PAAF1: variants seen among roughly 807,000 people sequenced by gnomAD.
PAAF1 encodes the protein proteasomal ATPase-associated factor 1.
PAAF1 carries 46 observed loss-of-function variants against 52.8 expected under a neutral mutation model. The observed-to-expected ratio is 0.87, with a 90% CI of 0.69 to 1.11. The LOEUF (loss-of-function observed/expected upper bound fraction) is 1.11. Ranked by LOEUF, PAAF1 falls within the 50% of genes most tolerant of loss-of-function variation. The pLI is 0.00. For missense variants in PAAF1, 424 were observed against 477.4 expected (o/e 0.89, Z 1.04); for synonymous variants, 178 against 172.8 (o/e 1.03, Z -0.24).
intron 2 of PAAF1, 147 bp downstream of exon 2, chr11:73,878,966 C>T (rs529254837): frequency 1.9e-6 from 1 of 528,438 alleles, no homozygotes; most frequent in East Asian, 3.1e-5. Flanking sequence ...TGGCCAACAC[C>T]CCAACTCCTC....
At chr11:73,897,434 G>A (rs190878774) in intron 4 of PAAF1, among the ~76,000 whole-genome samples, 4,626 of 151,092 alleles carry the variant, frequency 0.031, 227 homozygotes, top group African/African-American at 0.11. Flanking sequence ...CAGACGGGGC[G>A]GTTGCCAGGC....
intron 4 of PAAF1, 104 bp downstream of exon 4, chr11:73,891,305 C>T: frequency 1.5e-6 from 1 of 670,672 alleles, no homozygotes; most frequent in African/African-American, 1.8e-5. Context: ...ATATGTCTTT[C>T]ATTTACTTTG....
chr11:73,919,028 C>T lies in PAAF1; in HGVS notation c.1014C>T (p.Ser338=). Residue 338 remains serine (S), a synonymous_variant, in exon 10 of 12, where the codon AGC becomes AGT. Coordinates refer to ENST00000310571, the MANE Select transcript of PAAF1 (RefSeq NM_025155.3). ...LLSVRDGFIA[S]QGDGSCFIVQ... Reference sequence around the variant, plus strand: ...GTGTCAGAGATGGATTCATTGCTAGCCAAGGTGGGTCCATGGGCCAATTGA... The same window carrying T: ...GTGTCAGAGATGGATTCATTGCTAGTCAAGGTGGGTCCATGGGCCAATTGA... The T allele has an allele frequency of 6.2e-7, 1 of 1,613,182 alleles. No homozygotes were observed. Among genetic ancestry groups the T allele is most frequent in the South Asian group, 1.1e-5 (1 of 90,960 alleles).
rs190351873 is a variant in PAAF1, at chr11:73,924,645, A to G, written c.1049A>G (p.Asp350Gly). The G allele has an allele frequency of 7.4e-6, 12 of 1,613,910 alleles. No individual in the cohort carries two copies. The highest frequency in any genetic ancestry group is 1.3e-5 in the African/African-American group (1 of 74,898). ...GGAAGCTGTTTTATTGTCCAGCAAG[A>G]CTTAGACTATGTCACTGAGCTCACT... is the stretch of plus-strand genomic sequence containing the variant. ...GDGSCFIVQQDLDYVTELTGA... is the reference protein window; with the variant it reads ...GDGSCFIVQQGLDYVTELTGA... Residue 350 changes from aspartate (D) to glycine (G), a missense_variant, in exon 11 of 12, where the codon GAC becomes GGC. By Grantham distance (94) the Asp-to-Gly change is moderately conservative (BLOSUM62 -1). Coordinates refer to ENST00000310571, the MANE Select transcript of PAAF1 (RefSeq NM_025155.3).
chr11:73,908,345 ATG>A (rs1399639077), intron 6 of PAAF1, among the ~76,000 whole-genome samples: 2 of 146,010 alleles, frequency 1.4e-5, no homozygotes, highest in Admixed American at 1.4e-4. Flanking sequence ...ATGTGTATAT[ATG>A]TGTATATATG....
At chr11:73,882,312 T>TA (rs1491360944) in intron 2 of PAAF1, among the ~76,000 whole-genome samples, 1 of 85,408 alleles carries the variant, frequency 1.2e-5, no homozygotes, top group Non-Finnish European at 2.2e-5. Context: ...GTGCCTGCAC[T>TA]TTTTTTTTTT....
intron 10 of PAAF1, among the ~76,000 whole-genome samples, chr11:73,919,628 T>C (rs1950156750): frequency 6.6e-6 from 1 of 152,186 alleles, no homozygotes; most frequent in Admixed American, 6.5e-5. Flanking sequence ...ATATTCTAGG[T>C]AAAGCGAGTA....
chr11:73,908,399 G>A (rs540272384), intron 6 of PAAF1, among the ~76,000 whole-genome samples: 4 of 143,724 alleles, frequency 2.8e-5, no homozygotes, highest in Non-Finnish European at 4.5e-5. Flanking sequence ...ATATATATAT[G>A]TGTATATATA....
Position 73,899,187 on chromosome 11 carries a change from G to A in PAAF1, c.324G>A (p.Val108=). 6.2e-7 allele frequency: 1 copy of A among 1,614,112 alleles called. No homozygotes were observed. The highest frequency in any genetic ancestry group is 8.5e-7 in the Non-Finnish European group (1 of 1,180,006). Residue 108 remains valine (V), a synonymous_variant, in exon 5 of 12, where the codon GTG becomes GTA. Transcript: ENST00000310571. The stretch of plus-strand genomic sequence containing the variant: ...TTTCCAGCAGAGGAGGTCTTGGTGT[G>A]TCTTCTAGTACTGACGGGACCATGA... ...LDISSRGGLG[V]SSSTDGTMKI...
intron 7 of PAAF1, among the ~76,000 whole-genome samples, chr11:73,912,876 T>G (rs1283118994): frequency 6.6e-6 from 1 of 152,136 alleles, no homozygotes; most frequent in Admixed American, 6.6e-5. Context: ...CTCCTGGACT[T>G]TGCCTTCTTT....
At chr11:73,926,664 G>GCGTCA (rs1356281344) in intron 11 of PAAF1, among the ~76,000 whole-genome samples, 1 of 152,148 alleles carries the variant, frequency 6.6e-6, no homozygotes, top group Non-Finnish European at 1.5e-5. Context: ...AGCCAAGATG[G>GCGTCA]CGTCACTGCA....
intron 5 of PAAF1, among the ~76,000 whole-genome samples, chr11:73,900,001 CTTT>C (rs201364777): frequency 6.0e-4 from 87 of 144,854 alleles, no homozygotes; most frequent in South Asian, 2.6e-3. Context: ...CCATGGAATT[CTTT>C]TTTTTTTTTT....
chr11:73,903,716 C>CAA (rs34551219), intron 6 of PAAF1, among the ~76,000 whole-genome samples: 1 of 131,438 alleles, frequency 7.6e-6, no homozygotes, highest in Admixed American at 7.9e-5. Context: ...ACTCTGTCTT[C>CAA]AAAAAAAAAA....
chr11:73,921,111 C>T, intron 10 of PAAF1, among the ~76,000 whole-genome samples: 1 of 151,978 alleles, frequency 6.6e-6, no homozygotes, highest in East Asian at 1.9e-4. Flanking sequence ...ACCAGCCTGG[C>T]CAACATAGCG....
chr11:73,926,887 G>A (rs1017102361), intron 11 of PAAF1, among the ~76,000 whole-genome samples: 1 of 152,052 alleles, frequency 6.6e-6, no homozygotes, highest in Non-Finnish European at 1.5e-5. Context: ...TTGAGGAGTT[G>A]ATGAAATCCT....
At chr11:73,900,939 G>C (rs1432136534) in intron 6 of PAAF1, among the ~76,000 whole-genome samples, 1 of 121,154 alleles carries the variant, frequency 8.3e-6, no homozygotes, top group Non-Finnish European at 1.6e-5. Context: ...CCGAGATCCC[G>C]CCACTGCACT....
chr11:73,916,568 C>A lies in PAAF1; in HGVS notation c.843C>A (p.Asp281Glu). Reference protein sequence around the residue: ...RQLVFLFIGSDAFNCCTFLSG... With the variant: ...RQLVFLFIGSEAFNCCTFLSG... ...AGGTGTTCCTCTTTATTGGCTCAGA[C>A]GCTTTCAACTGCTGTACTTTTCTCT... Residue 281 changes from aspartate to glutamate, a missense_variant, in exon 9 of 12, where the codon GAC becomes GAA. Coordinates refer to ENST00000310571, the MANE Select transcript of PAAF1 (RefSeq NM_025155.3). 1.2e-6 allele frequency: 2 copies of A among 1,613,482 alleles called. No individual in the cohort carries two copies. The highest frequency in any genetic ancestry group is 1.7e-6 in the Non-Finnish European group (2 of 1,179,662).
intron 2 of PAAF1, 161 bp from the exon 3 acceptor site, chr11:73,887,191 TTC>T: frequency 1.8e-6 from 1 of 544,648 alleles, no homozygotes; most frequent in Non-Finnish European, 3.3e-6. Context: ...CCTAATCTAA[TTC>T]TCTTTTTACT....
chr11:73,927,091 C>A (rs1157474644), intron 11 of PAAF1, among the ~76,000 whole-genome samples, 194 bp from the exon 12 acceptor site: 1 of 152,150 alleles, frequency 6.6e-6, no homozygotes, highest in Non-Finnish European at 1.5e-5. Context: ...TGCATCCCAA[C>A]CATTGGTGAT....
Sources: gnomAD v4.1 joint callset for allele counts (sites outside exome capture counted in the v4.1 genomes callset) on GRCh38, gnomAD v4.1.1 for gene constraint, MANE v1.5 for transcripts, NCBI Gene and HGNC (gene_info 2026-07-23, HGNC 2026-07-21) for gene names.